EPB41L4B: variants seen among roughly 807,000 people sequenced by gnomAD.
EPB41L4B encodes the protein erythrocyte membrane protein band 4.1 like 4B.
In EPB41L4B, 30 loss-of-function variants were observed where a neutral mutation model predicts 112.5. The ratio of observed to expected loss-of-function variants is 0.27; its 90% CI spans 0.20 to 0.36. The LOEUF (loss-of-function observed/expected upper bound fraction) is 0.36, where lower values mean the gene tolerates loss of function less well. EPB41L4B is among the 10% of genes least tolerant of loss of function. EPB41L4B has a pLI of 1.00. For missense variants in EPB41L4B, 1,024 were observed against 1,133.3 expected (o/e 0.90, Z 1.38); for synonymous variants, 408 against 439.7 (o/e 0.93, Z 0.90).
Position 109,182,773 on chromosome 9 carries a change from T to A in EPB41L4B, c.2443A>T (p.Met815Leu). 1 of 1,612,302 alleles carries A rather than the reference T, an allele frequency of 6.2e-7. No homozygotes were observed. Among genetic ancestry groups the A allele is most frequent in the Non-Finnish European group, 8.5e-7 (1 of 1,178,316 alleles). ...GTGAAAGTATCAGGAAACGGGTTCA[T>A]TGTATCAACCGGGAATGTTTTTATC... is the stretch of plus-strand genomic sequence containing the variant. ...RLIKTFPVDT[M>L]NPFPDTFTTG... Residue 815 changes from methionine to leucine, a missense_variant, in exon 24 of 26, where the codon ATG (methionine) becomes TTG (leucine). Transcript: ENST00000374566.
intron 15 of EPB41L4B, chr9:109,240,905 C>A (rs1473238717): frequency 5.1e-6 from 5 of 985,388 alleles, no homozygotes; most frequent in Non-Finnish European, 6.0e-6. Flanking sequence ...GCAGCAAATT[C>A]GATCAAAACA....
intron 15 of EPB41L4B, among the ~76,000 whole-genome samples, chr9:109,238,273 C>G (rs1178691344): frequency 1.3e-5 from 2 of 152,164 alleles, no homozygotes; most frequent in Non-Finnish European, 2.9e-5. Flanking sequence ...CTGCCCTGTA[C>G]AGCATGATAC....
chr9:109,185,436 C>A, intron 23 of EPB41L4B, 53 bp downstream of exon 23: 1 of 1,531,216 alleles, frequency 6.5e-7, no homozygotes, highest in Non-Finnish European at 9.0e-7. Flanking sequence ...CCTGGTGGCT[C>A]CTGCCCACCT....
At chr9:109,240,071 A>G (rs2118950779) in intron 15 of EPB41L4B, 1 of 985,368 alleles carries the variant, frequency 1.0e-6, no homozygotes. Context: ...CCAAAAGCCA[A>G]CTGTTCTGTT....
intron 1 of EPB41L4B, among the ~76,000 whole-genome samples, chr9:109,313,955 T>A (rs1837523910): frequency 6.6e-6 from 1 of 152,256 alleles, no homozygotes; most frequent in Non-Finnish European, 1.5e-5. Context: ...AAACTGTAGA[T>A]GTTGTTCCAA....
chr9:109,220,251 A>G (rs1315391429), intron 15 of EPB41L4B, among the ~76,000 whole-genome samples: 1 of 152,248 alleles, frequency 6.6e-6, no homozygotes, highest in East Asian at 1.9e-4. Context: ...AAGGAATAGC[A>G]TGAGCAAAGG....
At chr9:109,294,622 C>A (rs1390631563) in intron 1 of EPB41L4B, among the ~76,000 whole-genome samples, 1 of 151,960 alleles carries the variant, frequency 6.6e-6, no homozygotes, top group African/African-American at 2.4e-5. Context: ...CCCGTACCCC[C>A]TCAAAAAAAA....
intron 6 of EPB41L4B, among the ~76,000 whole-genome samples, chr9:109,261,746 ATGCTTGTCTTAT>A (rs1835212602): frequency 6.6e-6 from 1 of 152,176 alleles, no homozygotes; most frequent in Non-Finnish European, 1.5e-5. Flanking sequence ...TTCCTTCCTT[ATGCTTGTCTTAT>A]TGGTGGGTTG....
chr9:109,273,049 T>C (rs1486522477), intron 2 of EPB41L4B, among the ~76,000 whole-genome samples: 1 of 152,096 alleles, frequency 6.6e-6, no homozygotes, highest in Non-Finnish European at 1.5e-5. Context: ...CTGCTCCCCA[T>C]GATGACCAAG....
intron 15 of EPB41L4B, among the ~76,000 whole-genome samples, chr9:109,225,552 T>C (rs1008702637): frequency 6.6e-6 from 1 of 152,070 alleles, no homozygotes; most frequent in South Asian, 2.1e-4. Flanking sequence ...ACTACCACAG[T>C]AGGGGGGAAA....
At chr9:109,272,125 A>G (rs934599965) in intron 2 of EPB41L4B, among the ~76,000 whole-genome samples, 1 of 152,154 alleles carries the variant, frequency 6.6e-6, no homozygotes, top group African/African-American at 2.4e-5. Flanking sequence ...CGAAACTCAT[A>G]ACGGGATTTC....
chr9:109,213,637 G>C, intron 17 of EPB41L4B, 63 bp downstream of exon 17: 1 of 1,362,106 alleles, frequency 7.3e-7, no homozygotes, highest in Non-Finnish European at 1.0e-6. Context: ...GGCTAGGGTA[G>C]TAATCAGAGG....
chr9:109,307,949 C>T (rs900259247), intron 1 of EPB41L4B, among the ~76,000 whole-genome samples: 2 of 152,140 alleles, frequency 1.3e-5, no homozygotes, highest in African/African-American at 4.8e-5. Context: ...CCACGGTGAG[C>T]AGCAGCAGAC....
chr9:109,240,999 T>C, intron 15 of EPB41L4B: 1 of 985,350 alleles, frequency 1.0e-6, no homozygotes, highest in Non-Finnish European at 1.2e-6. Flanking sequence ...AAAGTCCCCC[T>C]GTATCTATAT....
At chr9:109,300,696 G>GA (rs1424098486) in intron 1 of EPB41L4B, 2 of 152,116 alleles carry the variant, frequency 1.3e-5, no homozygotes, top group African/African-American at 4.8e-5. Context: ...TGAGGTAGGA[G>GA]AATCGCTTGA....
At chr9:109,281,386 T>C (rs906491688) in intron 1 of EPB41L4B, among the ~76,000 whole-genome samples, 3 of 152,132 alleles carry the variant, frequency 2.0e-5, no homozygotes, top group African/African-American at 7.2e-5. Flanking sequence ...AATCAAATAC[T>C]ATGTCACACT....
intron 15 of EPB41L4B, among the ~76,000 whole-genome samples, chr9:109,222,030 T>G (rs1417699377): frequency 6.6e-6 from 1 of 152,158 alleles, no homozygotes; most frequent in Non-Finnish European, 1.5e-5. Flanking sequence ...GTATCATGCA[T>G]TTGTCTTTCC....
chr9:109,289,125 T>C lies in EPB41L4B; in HGVS notation c.307-9204A>G, dbSNP rs113796386. Among the ~76,000 whole-genome samples the C allele has an allele frequency of 2.6e-5, 4 of 152,122 alleles. No individual in the cohort carries two copies. In the South Asian group the frequency reaches 8.3e-4, roughly 32 times the overall value. Reference sequence around the variant, plus strand: ...TGCTCAAAAAACATCCACCAGAGAATAAAGTGCAGGTTCCTCAGCCTGGTG... The same window carrying C: ...TGCTCAAAAAACATCCACCAGAGAACAAAGTGCAGGTTCCTCAGCCTGGTG... On this transcript the variant is annotated intron_variant, in intron 1 of 25. Transcript: ENST00000374566.
chr9:109,290,443 C>G (rs1027776593), intron 1 of EPB41L4B, among the ~76,000 whole-genome samples: 3 of 152,114 alleles, frequency 2.0e-5, no homozygotes, highest in Admixed American at 2.0e-4. Flanking sequence ...TGAGGTTAGT[C>G]TGGTTTGGGG....
Sources: gnomAD v4.1 joint callset for allele counts (sites outside exome capture counted in the v4.1 genomes callset) on GRCh38, gnomAD v4.1.1 for gene constraint, MANE v1.5 for transcripts, NCBI Gene and HGNC (gene_info 2026-07-23, HGNC 2026-07-21) for gene names.